Variants in FUS observed in about 807,000 individuals in gnomAD.
FUS encodes FUS RNA binding protein.
In FUS, 5 loss-of-function variants were observed where a neutral mutation model predicts 82.7. The observed-to-expected ratio is 0.06, with a 90% confidence interval of 0.03 to 0.13. The LOEUF (loss-of-function observed/expected upper bound fraction) is 0.13. FUS is among the 10% of genes least tolerant of loss of function. FUS has a pLI of 1.00. For synonymous variants in FUS, 281 were observed against 247.4 expected (o/e 1.14, Z -1.27); for missense variants, 512 against 707.8 (o/e 0.72, Z 3.14).
At chr16:31,184,888 C>A (rs895424915) in intron 5 of FUS, 51 bp from the exon 6 acceptor site, 2 of 1,592,540 alleles carry the variant, frequency 1.3e-6, no homozygotes, top group African/African-American at 2.7e-5. Context: ...TTTAGTGCTA[C>A]TTTACAATCT....
chr16:31,192,920 G>A, downstream of FUS: 1 of 485,316 alleles, frequency 2.1e-6, no homozygotes, highest in South Asian at 1.5e-5. Flanking sequence ...CTACTGAAGA[G>A]TTGCTGCATC....
chr16:31,182,870 C>G (rs1349428047), intron 3 of FUS: 3 of 590,478 alleles, frequency 5.1e-6, no homozygotes, highest in African/African-American at 1.9e-5. Context: ...GTACCTGCTA[C>G]CACGCCTGGC....
At chr16:31,188,715 G>C (rs1451007808) in intron 8 of FUS, 1 of 478,810 alleles carries the variant, frequency 2.1e-6, no homozygotes, top group African/African-American at 1.9e-5. Flanking sequence ...TGAAAGACCT[G>C]ACCACATGAA....
At chr16:31,184,535 C>T in intron 5 of FUS, 139 bp downstream of exon 5, 1 of 895,570 alleles carries the variant, frequency 1.1e-6, no homozygotes, top group East Asian at 2.6e-5. Context: ...GCTCCGCCTT[C>T]CGGGTTCGCG....
In FUS at chr16:31,190,811, C is replaced by A; in HGVS notation, c.1362C>A (p.Gly454=). 6.2e-7 allele frequency: 1 copy of A among 1,614,164 alleles called. No homozygotes were observed. The part of the protein sequence containing the change: ...CNQCKAPKPD[G]PGGGPGGSHM... Reference sequence around the variant, plus strand: ...AGTGTAAGGCCCCTAAACCAGATGGCCCAGGAGGGGGACCAGGTGGCTCTC... The same window carrying A: ...AGTGTAAGGCCCCTAAACCAGATGGACCAGGAGGGGGACCAGGTGGCTCTC... The change falls in exon 13 of 15, where the codon GGC becomes GGA. Residue 454 remains glycine, a synonymous_variant. Coordinates refer to ENST00000254108, the MANE Select transcript of FUS (RefSeq NM_004960.4).
downstream of FUS, chr16:31,193,633 G>C (rs990481599): frequency 1.9e-6 from 1 of 529,516 alleles, no homozygotes; most frequent in Non-Finnish European, 3.7e-6. Context: ...AAGGAAATAG[G>C]GTCCCAGGTG....
In FUS at chr16:31,183,888, G is replaced by C. The variant is rs1260300816; in HGVS notation, c.221G>C (p.Gly74Ala). Residue 74 changes from glycine (G) to alanine (A), a missense_variant, in exon 4 of 15, where the codon GGA (glycine) becomes GCA (alanine). Gly to Ala is a moderately conservative substitution (Grantham distance 60). Transcript: ENST00000254108. ...TATGGAACTCAGTCAACTCCCCAGG[G>C]ATATGGCTCGACTGGCGGCTATGGC... ...TGYGTQSTPQ[G>A]YGSTGGYGSS... is the part of the protein sequence containing the mutation. 3 of 1,614,050 alleles carry C rather than the reference G, an allele frequency of 1.9e-6. No individual in the cohort carries two copies. Among genetic ancestry groups the C allele is most frequent in the Non-Finnish European group, 2.5e-6 (3 of 1,180,036 alleles).
chr16:31,191,310 A>G (rs1026872089), intron 14 of FUS, 89 bp from the exon 15 acceptor site: 36 of 1,543,076 alleles, frequency 2.3e-5, no homozygotes, highest in Non-Finnish European at 3.1e-5. Context: ...TCGCTGGGTT[A>G]GGTAGGAGGG....
intron 1 of FUS, 115 bp from the exon 2 acceptor site, chr16:31,182,283 G>A (rs774398672): frequency 1.6e-6 from 2 of 1,243,898 alleles, no homozygotes; most frequent in Admixed American, 1.7e-5. Flanking sequence ...GATCCACCGT[G>A]CCTGGCCTAC....
chr16:31,182,102 T>G (rs2079187871), intron 1 of FUS: 2 of 416,372 alleles, frequency 4.8e-6, no homozygotes, highest in African/African-American at 4.1e-5. Flanking sequence ...GCGATTCTCC[T>G]GCTTCACCTC....
At chr16:31,184,896 T>C (rs1302953302) in intron 5 of FUS, 43 bp from the exon 6 acceptor site, 1 of 1,594,306 alleles carries the variant, frequency 6.3e-7, no homozygotes, top group Non-Finnish European at 8.6e-7. Flanking sequence ...TACTTTACAA[T>C]CTTTTTGTTT....
At chr16:31,193,122 A>G (rs1373561883), downstream of FUS, 1 of 483,962 alleles carries the variant, frequency 2.1e-6, no homozygotes, top group Non-Finnish European at 4.1e-6. Flanking sequence ...TTGTATTTTT[A>G]GTAGAGACGG....
chr16:31,192,004 G>T (rs938615565), downstream of FUS: 1 of 533,314 alleles, frequency 1.9e-6, no homozygotes, highest in East Asian at 3.9e-5. Flanking sequence ...TTTGACCATG[G>T]TGGAGAGCGC....
In FUS at chr16:31,182,677, C is replaced by T. The variant is rs1195497265; in HGVS notation, c.190+13C>T. Reference sequence around the variant, plus strand: ...CAGAGCCAGAACAGTGAGTCTTTCTCAGCGGGTCACCTCTTCCTACTCTTT... The same window carrying T: ...CAGAGCCAGAACAGTGAGTCTTTCTTAGCGGGTCACCTCTTCCTACTCTTT... On this transcript the variant is annotated intron_variant, in intron 3 of 14. Transcript: ENST00000254108. 1.9e-6 allele frequency: 3 copies of T among 1,614,184 alleles called. No individual in the cohort carries two copies. The highest frequency in any genetic ancestry group is 4.5e-5 in the East Asian group (2 of 44,882).
intron 9 of FUS, 98 bp from the exon 10 acceptor site, chr16:31,189,567 A>C: frequency 6.5e-7 from 1 of 1,547,468 alleles, no homozygotes; most frequent in Non-Finnish European, 8.9e-7. Flanking sequence ...AGGGGAGCTG[A>C]AGTTTGGGAA....
downstream of FUS, chr16:31,193,296 G>A (rs150365928): frequency 3.3e-5 from 17 of 516,340 alleles, no homozygotes; most frequent in African/African-American, 7.6e-5. Flanking sequence ...GTGGTCTGGC[G>A]TATTAAAAAC....
At chr16:31,182,975 C>T (rs565803379) in intron 3 of FUS, 4 of 399,656 alleles carry the variant, frequency 1.0e-5, no homozygotes, top group African/African-American at 2.0e-5. Flanking sequence ...TGCCAAAGTG[C>T]TGGGATTACA....
intron 10 of FUS, 48 bp downstream of exon 10, chr16:31,189,842 C>G (rs1249151092): frequency 6.2e-7 from 1 of 1,612,758 alleles, no homozygotes; most frequent in Non-Finnish European, 8.5e-7. Context: ...TATAGGGCAG[C>G]AAGCCTTAGG....
intron 6 of FUS, chr16:31,185,798 T>A (rs2079260859): frequency 3.4e-6 from 1 of 298,486 alleles, no homozygotes; most frequent in Non-Finnish European, 6.7e-6. Flanking sequence ...TGTTCCACTG[T>A]CTGCCTTCCC....
Sources: allele counts gnomAD v4.1 joint callset, GRCh38; gene constraint gnomAD v4.1.1; transcripts MANE v1.5; gene names NCBI Gene and HGNC (gene_info 2026-07-23, HGNC 2026-07-21).